The following KIAA1217 variants were observed in gnomAD, a reference collection of about 807,000 sequenced individuals.
KIAA1217 encodes sickle tail protein homolog.
A neutral mutation model predicts 163.9 loss-of-function variants in KIAA1217; 88 were observed. The observed-to-expected ratio is 0.54, with a 90% CI of 0.45 to 0.64. KIAA1217 has a LOEUF of 0.64. Ranked by LOEUF, KIAA1217 falls within the 30% of genes least tolerant of loss-of-function variation. KIAA1217 has a pLI of 0.00. For missense variants in KIAA1217, 2,372 were observed against 2,475.0 expected (o/e 0.96, Z 0.88); for synonymous variants, 903 against 923.1 (o/e 0.98, Z 0.39).
intron 5 of KIAA1217, chr10:24,466,733 C>G: frequency 1.0e-6 from 1 of 985,388 alleles, no homozygotes; most frequent in African/African-American, 1.7e-5. Context: ...GTAATCAGGA[C>G]CTGAGCGAAT....
chr10:23,791,794 G>A (rs1835961870), intron 1 of KIAA1217, among the ~76,000 whole-genome samples: 2 of 152,208 alleles, frequency 1.3e-5, no homozygotes, highest in South Asian at 4.1e-4. Context: ...TCCCAAAGAT[G>A]AGAATTTTAC....
intron 1 of KIAA1217, among the ~76,000 whole-genome samples, chr10:23,717,256 T>C (rs918331772): frequency 1.8e-4 from 27 of 152,136 alleles, no homozygotes; most frequent in African/African-American, 6.5e-4. Flanking sequence ...TGAAATAGGT[T>C]GAATTCCGCT....
chr10:23,819,709 T>C lies in KIAA1217; in HGVS notation c.-321+124475T>C, dbSNP rs558485206. 2.2e-4 allele frequency among the ~76,000 whole-genome samples: 34 copies of C among 152,318 alleles called. No individual in the cohort carries two copies. In the South Asian group the frequency reaches 7.0e-3, roughly 32 times the overall value. On this transcript the variant is annotated intron_variant, in intron 1 of 18. Coordinates refer to the KIAA1217 transcript ENST00000376462. ...AATACTTTTCTGATGCCATTGTACATGGCAATTTGTCTTGGTGATTTGAAA... is the reference window on the plus strand; with the variant it reads ...AATACTTTTCTGATGCCATTGTACACGGCAATTTGTCTTGGTGATTTGAAA...
At chr10:23,918,733 T>TATATATACACACACACAC (rs769797460) in intron 1 of KIAA1217, among the ~76,000 whole-genome samples, 7 of 147,478 alleles carry the variant, frequency 4.7e-5, no homozygotes, top group African/African-American at 1.8e-4. Context: ...ATTAAATATA[T>TATATATACACACACACAC]ACACACACAC....
intron 5 of KIAA1217, among the ~76,000 whole-genome samples, chr10:24,446,479 C>T (rs2060943895): frequency 6.6e-6 from 1 of 152,104 alleles, no homozygotes; most frequent in African/African-American, 2.4e-5. Context: ...GAACTCAGAG[C>T]ACTTTTTCTC....
At chr10:23,921,569 C>G (rs1392983067) in intron 1 of KIAA1217, among the ~76,000 whole-genome samples, 2 of 152,136 alleles carry the variant, frequency 1.3e-5, no homozygotes, top group East Asian at 3.8e-4. Context: ...AAATGAGAAT[C>G]CAATCAGTAG....
chr10:23,818,692 G>C (rs1222947799), intron 1 of KIAA1217, among the ~76,000 whole-genome samples: 1 of 152,124 alleles, frequency 6.6e-6, no homozygotes, highest in Admixed American at 6.5e-5. Context: ...GAATCAGCAG[G>C]GGAGCATGAA....
intron 2 of KIAA1217, among the ~76,000 whole-genome samples, chr10:24,341,904 C>T (rs1387478598): frequency 3.3e-5 from 5 of 151,710 alleles, no homozygotes; most frequent in Non-Finnish European, 5.9e-5. Context: ...CTTGGAATAT[C>T]GTCATGTGTT....
In KIAA1217 at chr10:24,224,976, A is replaced by G. The variant is rs151109700; in HGVS notation, c.354+5067A>G. Among the ~76,000 whole-genome samples, 739 of 151,652 alleles carry G rather than the reference A, an allele frequency of 4.9e-3. 7 individuals are homozygous for G. The highest frequency in any genetic ancestry group is 7.2e-3 in the Non-Finnish European group (488 of 67,896). The stretch of plus-strand genomic sequence containing the variant: ...CGAGTAGCTGGGACTACAGGCGCCC[A>G]CCACCACGCCTAGCTAATATTTTGT... On this transcript the variant is annotated intron_variant, in intron 2 of 20. Coordinates refer to ENST00000376454, the MANE Select transcript of KIAA1217 (RefSeq NM_019590.5).
At chr10:24,083,102 T>C (rs2061589153) in intron 2 of KIAA1217, among the ~76,000 whole-genome samples, 1 of 152,234 alleles carries the variant, frequency 6.6e-6, no homozygotes, top group African/African-American at 2.4e-5. Flanking sequence ...TGTTTGCTAT[T>C]TGGCATCTTG....
chr10:24,066,034 GTC>G (rs1226803800), intron 2 of KIAA1217, among the ~76,000 whole-genome samples: 1 of 152,080 alleles, frequency 6.6e-6, no homozygotes, highest in African/African-American at 2.4e-5. Context: ...GCCTATGTGT[GTC>G]TCTGCACATG....
intron 2 of KIAA1217, among the ~76,000 whole-genome samples, chr10:24,055,216 G>A (rs1849807489): frequency 6.6e-6 from 1 of 152,162 alleles, no homozygotes; most frequent in African/African-American, 2.4e-5. Context: ...GCAGTCAGCT[G>A]AGAGGGTGCC....
intron 2 of KIAA1217, among the ~76,000 whole-genome samples, chr10:24,112,574 CTTTTT>C (rs1482757984): frequency 1.3e-5 from 2 of 151,724 alleles, no homozygotes; most frequent in African/African-American, 4.8e-5. Context: ...GACTAGTGCT[CTTTTT>C]TTTATTTTAT....
intron 6 of KIAA1217, 138 bp from the exon 7 acceptor site, chr10:24,494,362 C>G: frequency 1.5e-6 from 1 of 675,586 alleles, no homozygotes; most frequent in Non-Finnish European, 2.6e-6. Flanking sequence ...TGCGGCTCTT[C>G]ATGTTCCTGA....
At chr10:24,545,801 A>C (rs2075682536) in intron 20 of KIAA1217, 26 bp from the exon 21 acceptor site, 1 of 1,554,646 alleles carries the variant, frequency 6.4e-7, no homozygotes, top group South Asian at 1.3e-5. Context: ...TTCTGACAAA[A>C]TGTCTCCCGC....
chr10:24,428,342 G>A (rs1232641901), intron 3 of KIAA1217, among the ~76,000 whole-genome samples: 2 of 152,176 alleles, frequency 1.3e-5, no homozygotes, highest in Non-Finnish European at 1.5e-5. Flanking sequence ...GGCTTAAAAG[G>A]TATTCTCCGC....
chr10:23,869,186 G>A (rs540482324), intron 1 of KIAA1217, among the ~76,000 whole-genome samples: 4 of 123,064 alleles, frequency 3.3e-5, no homozygotes, highest in Admixed American at 1.0e-4. Flanking sequence ...AAGTAACAGC[G>A]TTGCTATCTA....
chr10:24,217,928 T>C (rs189774111), intron 1 of KIAA1217, among the ~76,000 whole-genome samples: 1 of 152,304 alleles, frequency 6.6e-6, no homozygotes, highest in East Asian at 1.9e-4. Flanking sequence ...ATTTTATTCA[T>C]GAAGAGAATG....
intron 2 of KIAA1217, among the ~76,000 whole-genome samples, chr10:24,267,728 G>A (rs2076370460): frequency 6.6e-6 from 1 of 152,176 alleles, no homozygotes; most frequent in African/African-American, 2.4e-5. Flanking sequence ...CTTAATATGA[G>A]TAATCATGCT....
Sources: gnomAD v4.1 joint callset for allele counts (sites outside exome capture counted in the v4.1 genomes callset) on GRCh38, gnomAD v4.1.1 for gene constraint, MANE v1.5 for transcripts, NCBI Gene and HGNC (gene_info 2026-07-23, HGNC 2026-07-21) for gene names.